Variants in ABCC11 observed in about 807,000 individuals in gnomAD.
ABCC11 encodes ATP binding cassette subfamily C member 11.
Under a neutral mutation model 149.3 loss-of-function variants are expected in ABCC11, and 135 were observed. The observed-to-expected ratio is 0.90, with a 90% confidence interval of 0.79 to 1.04. ABCC11 has a LOEUF of 1.04. Among genes scored for constraint, ABCC11 ranks in the 50% least tolerant of loss-of-function variants. The probability of loss-of-function intolerance (pLI) is 0.00; values close to 1 mark genes in which losing one functional copy is unlikely to be tolerated. For synonymous variants in ABCC11, 665 were observed against 671.4 expected, an observed-to-expected ratio of 0.99 and a Z score of 0.15; for missense variants, 1,680 against 1,722.1, an observed-to-expected ratio of 0.98 and a Z score of 0.43.
rs754221632 is a variant in ABCC11, at chr16:48,193,927, C to T, written c.2460G>A (p.Thr820=). 21 of 1,613,970 alleles carry T rather than the reference C, an allele frequency of 1.3e-5. No individual in the cohort carries two copies. Among genetic ancestry groups the T allele is most frequent in the Middle Eastern group, 1.6e-4 (1 of 6,062 alleles). Reference sequence around the variant, plus strand: ...AGCTCAGCCACCAGAAGCTGAAGATCGTTAAGAAGACGATCAGCACCACGA... The same window carrying T: ...AGCTCAGCCACCAGAAGCTGAAGATTGTTAAGAAGACGATCAGCACCACGA... ...FFFVVLIVFL[T]IFSFWWLSYW... The change falls in exon 19 of 30, where the codon ACG becomes ACA. Residue 820 remains threonine (T), a synonymous_variant. Coordinates refer to ENST00000356608, the MANE Select transcript of ABCC11 (RefSeq NM_001370497.1).
chr16:48,199,658 T>C lies in ABCC11; in HGVS notation c.2082+618A>G, dbSNP rs530988957. On this transcript the variant is annotated intron_variant, in intron 15 of 29. Transcript: ENST00000356608. ...AGAGATTGGTTTCTTTTTCTTTTCT[T>C]TTCTTTTTTATTGATTTTTTTTTTT... is the stretch of plus-strand genomic sequence containing the variant. Among the ~76,000 whole-genome samples the C allele has an allele frequency of 2.7e-5, 4 of 148,828 alleles. 1 individual carries two copies. In the South Asian group the frequency reaches 8.4e-4, roughly 31 times the overall value.
Position 48,211,194 on chromosome 16 carries a change from A to G in ABCC11, c.1362T>C (p.Phe454=), listed in dbSNP as rs766966605. The part of the protein sequence containing the change: ...SKSAVMRFKK[F]FLQESPVFYV... ...AGAAAACAGGGCTCTCCTGGAGGAA[A>G]AACTTCTGTAAAGACAGAAAAAAAT... is the stretch of plus-strand genomic sequence containing the variant. The change falls in exon 11 of 30, where the codon TTT becomes TTC. Residue 454 remains phenylalanine (F), a synonymous_variant. Coordinates refer to ENST00000356608, the MANE Select transcript of ABCC11 (RefSeq NM_001370497.1). 1.1e-5 allele frequency: 18 copies of G among 1,613,526 alleles called. No individual in the cohort carries two copies. The Admixed American group carries it at 3.0e-4, about 27-fold the overall frequency.
At chr16:48,230,124 A>G (rs1567288859) in intron 3 of ABCC11, among the ~76,000 whole-genome samples, 2 of 152,270 alleles carry the variant, frequency 1.3e-5, no homozygotes, top group East Asian at 3.9e-4. Context: ...GCACAAGTTT[A>G]TTTGCTTATT....
At chr16:48,178,749 G>A (rs535731041) in intron 23 of ABCC11, 63 bp from the exon 24 acceptor site, 10 of 1,408,360 alleles carry the variant, frequency 7.1e-6, no homozygotes, top group Middle Eastern at 1.8e-4. Flanking sequence ...GCTCTTCAAC[G>A]CTCCTGATAA....
intron 1 of ABCC11, among the ~76,000 whole-genome samples, chr16:48,238,136 A>T (rs1398522026): frequency 6.6e-6 from 1 of 152,226 alleles, no homozygotes; most frequent in Non-Finnish European, 1.5e-5. Flanking sequence ...ATTGAAATGA[A>T]TATTAAGCAA....
chr16:48,207,693 G>A (rs911289831), intron 12 of ABCC11, among the ~76,000 whole-genome samples: 3 of 151,674 alleles, frequency 2.0e-5, no homozygotes, highest in Non-Finnish European at 2.9e-5. Context: ...GGGAAGGGAA[G>A]GAAAGGGAAG....
intron 1 of ABCC11, chr16:48,244,531 A>G (rs997919083): frequency 1.9e-6 from 3 of 1,576,658 alleles, no homozygotes; most frequent in Non-Finnish European, 2.6e-6. Context: ...CGCCTTCTGA[A>G]GGGCACGTCG....
At chr16:48,183,717 C>A (rs1966585327) in intron 23 of ABCC11, among the ~76,000 whole-genome samples, 1 of 152,184 alleles carries the variant, frequency 6.6e-6, no homozygotes, top group African/African-American at 2.4e-5. Context: ...GAGCCAAGAT[C>A]GTGCCACTGT....
intron 2 of ABCC11, among the ~76,000 whole-genome samples, 191 bp downstream of exon 2, chr16:48,231,632 G>A (rs975918114): frequency 6.8e-6 from 1 of 147,922 alleles, no homozygotes; most frequent in Admixed American, 6.8e-5. Context: ...CTGTACTCTA[G>A]CCTGGGTGAC....
At chr16:48,196,823 G>A (rs7500149) in intron 17 of ABCC11, among the ~76,000 whole-genome samples, 152,103 of 152,368 alleles carry the variant, frequency 1, 75,919 homozygotes, top group Middle Eastern at 1. Context: ...CCTGAAGACC[G>A]GTACCTGGAG....
rs370784203 is a variant in ABCC11 at position 48,231,676 on chromosome 16, AG to A, written c.99+146del. On this transcript the variant is annotated intron_variant, in intron 2 of 29. Coordinates refer to ENST00000356608, the MANE Select transcript of ABCC11 (RefSeq NM_001370497.1). The stretch of plus-strand genomic sequence containing the variant: ...ACCCTGAGTCAAAAAAAAAAAAAAA[AG>A]AGAGAGAGAGAGAGCAAAAAGAGAA... 1.1e-3 allele frequency: 911 copies of A among 797,854 alleles called. 1 individual carries two copies. In the African/African-American group the frequency reaches 0.015, roughly 13 times the overall value. The allele number at this position is 797,854 out of a possible 1,614,324, so 49.4% of individuals were successfully genotyped here. A position where few individuals can be genotyped will look rare whatever the true frequency, so the allele number is the denominator to read the frequency against.
chr16:48,194,126 A>G (rs1192787205), intron 18 of ABCC11, 144 bp from the exon 19 acceptor site: 1 of 580,004 alleles, frequency 1.7e-6, no homozygotes, highest in Non-Finnish European at 3.1e-6. Context: ...GAATGGGAAG[A>G]GCTGGGTTCC....
At chr16:48,218,677 A>G (rs759517023) in intron 6 of ABCC11, among the ~76,000 whole-genome samples, 1 of 151,944 alleles carries the variant, frequency 6.6e-6, no homozygotes, top group Non-Finnish European at 1.5e-5. Flanking sequence ...ACAGTGACTA[A>G]GTCTCACAAT....
chr16:48,186,858 T>C, intron 22 of ABCC11, 95 bp downstream of exon 22: 2 of 1,472,048 alleles, frequency 1.4e-6, no homozygotes, highest in Admixed American at 2.0e-5. Context: ...TCTGATGCTT[T>C]TGAAGATGAT....
chr16:48,187,452 C>A, intron 20 of ABCC11, 25 bp from the exon 21 acceptor site: 1 of 1,570,780 alleles, frequency 6.4e-7, no homozygotes. Context: ...TCAACGCAGA[C>A]CATGAGAGAA....
intron 26 of ABCC11, among the ~76,000 whole-genome samples, 178 bp from the exon 27 acceptor site, chr16:48,171,145 C>T (rs1965691724): frequency 6.6e-6 from 1 of 152,220 alleles, no homozygotes; most frequent in African/African-American, 2.4e-5. Context: ...CTTCTGCAGG[C>T]AGCAGGCCCA....
At chr16:48,230,414 C>T (rs2074344657) in intron 3 of ABCC11, 23 bp downstream of exon 3, 1 of 1,568,662 alleles carries the variant, frequency 6.4e-7, no homozygotes. Flanking sequence ...CAGCTCTCTC[C>T]CACCACCCCC....
Position 48,172,951 on chromosome 16 carries a change from G to A in ABCC11, c.3699-1984C>T, listed in dbSNP as rs1965813876. Among the ~76,000 whole-genome samples the A allele has an allele frequency of 2.0e-5, 3 of 152,322 alleles. No individual in the cohort carries two copies. In the South Asian group the frequency reaches 6.2e-4, roughly 32 times the overall value. On this transcript the variant is annotated intron_variant, in intron 26 of 29. Transcript: ENST00000356608. ...AGCCATGTAGCCCTGAGTGAAACCT[G>A]TCAACCTTGCTTTATCCTTCCCCAG...
intron 23 of ABCC11, among the ~76,000 whole-genome samples, chr16:48,183,281 G>A (rs150610028): frequency 1.2e-4 from 19 of 152,326 alleles, no homozygotes; most frequent in East Asian, 1.2e-3. Context: ...CTGCCAAGCC[G>A]GCCTCAGGCC....
Sources: gnomAD v4.1 joint callset for allele counts (sites outside exome capture counted in the v4.1 genomes callset) on GRCh38, gnomAD v4.1.1 for gene constraint, MANE v1.5 for transcripts, NCBI Gene and HGNC (gene_info 2026-07-23, HGNC 2026-07-21) for gene names.